ARHGEF3: variants seen among roughly 807,000 people sequenced by gnomAD.
ARHGEF3 encodes the protein 59.8 kDA protein.
Under a neutral mutation model 63.2 loss-of-function variants are expected in ARHGEF3, and 28 were observed. The ratio of observed to expected loss-of-function variants is 0.44; its 90% CI spans 0.33 to 0.61. The LOEUF is 0.61. Among genes scored for constraint, ARHGEF3 ranks in the 20% least tolerant of loss-of-function variants. ARHGEF3 has a pLI of 0.03. For missense variants in ARHGEF3, 533 were observed against 659.3 expected, an observed-to-expected ratio of 0.81 and a Z score of 2.10; for synonymous variants, 266 against 254.2, an observed-to-expected ratio of 1.05 and a Z score of -0.44.
intron 3 of ARHGEF3, among the ~76,000 whole-genome samples, chr3:56,892,501 T>C (rs903994815): frequency 7.9e-5 from 12 of 152,222 alleles, no homozygotes; most frequent in African/African-American, 2.9e-4. Flanking sequence ...GTTTATTCAC[T>C]TATTTTTTAA....
rs141010384 is a variant in ARHGEF3, at chr3:56,832,474, A to G, written c.192+49818T>C. Among the ~76,000 whole-genome samples, 500 of 152,156 alleles carry G rather than the reference A, an allele frequency of 3.3e-3. 1 individual carries two copies. The highest frequency in any genetic ancestry group is 0.011 in the African/African-American group (470 of 41,520). ...ATAAAACATTACCAGCATAGCTAAC[A>G]TCTCCTCTTCCCACCACCTCAGTCC... On this transcript the variant is annotated intron_variant, in intron 4 of 12. Transcript: ENST00000338458.
At chr3:56,764,687 T>C (rs916036476) in intron 2 of ARHGEF3, among the ~76,000 whole-genome samples, 1 of 152,040 alleles carries the variant, frequency 6.6e-6, no homozygotes, top group African/African-American at 2.4e-5. Context: ...TGGTTCATCA[T>C]AGATACTACA....
At chr3:57,071,997 G>A (rs763018012) in intron 1 of ARHGEF3, among the ~76,000 whole-genome samples, 1 of 152,112 alleles carries the variant, frequency 6.6e-6, no homozygotes, top group Non-Finnish European at 1.5e-5. Context: ...ATACACAAAT[G>A]GCCAATAAGC....
At chr3:56,916,422 G>A in intron 3 of ARHGEF3, 1 of 1,476,868 alleles carries the variant, frequency 6.8e-7, no homozygotes, top group Non-Finnish European at 8.9e-7. Flanking sequence ...TCTGAACAGG[G>A]CTGAGCATAG....
upstream of ARHGEF3, among the ~76,000 whole-genome samples, chr3:56,805,907 C>G: frequency 6.6e-6 from 1 of 152,128 alleles, no homozygotes; most frequent in Non-Finnish European, 1.5e-5. Flanking sequence ...GAATGTCTCA[C>G]CATCCAGAAT....
At chr3:56,811,163 C>G (rs1186476995) in intron 4 of ARHGEF3, among the ~76,000 whole-genome samples, 4 of 152,212 alleles carry the variant, frequency 2.6e-5, no homozygotes, top group African/African-American at 9.6e-5. Flanking sequence ...GAGTAAACTA[C>G]CAAGTAAGCC....
chr3:56,732,047 T>A (rs1004494195), intron 9 of ARHGEF3, 191 bp downstream of exon 9: 34 of 669,312 alleles, frequency 5.1e-5, no homozygotes, highest in Non-Finnish European at 7.6e-5. Context: ...ACCTATGCAT[T>A]TCCATTTTGG....
intron 6 of ARHGEF3, among the ~76,000 whole-genome samples, chr3:56,747,269 G>T (rs1168073116): frequency 3.3e-5 from 5 of 152,184 alleles, no homozygotes; most frequent in African/African-American, 1.2e-4. Context: ...GTAAACTAGT[G>T]AGGAACCTCG....
chr3:56,837,918 C>A (rs1370068613), intron 4 of ARHGEF3, among the ~76,000 whole-genome samples: 1 of 152,186 alleles, frequency 6.6e-6, no homozygotes, highest in Non-Finnish European at 1.5e-5. Flanking sequence ...TTCTAACACA[C>A]TGCTAAATGT....
intron 7 of ARHGEF3, among the ~76,000 whole-genome samples, chr3:56,744,640 A>G (rs2034266956): frequency 6.6e-6 from 1 of 151,542 alleles, no homozygotes; most frequent in African/African-American, 2.4e-5. Context: ...TCCTGGCTTC[A>G]AGTGATCTGC....
At chr3:56,755,940 C>G (rs1171636610) in intron 2 of ARHGEF3, among the ~76,000 whole-genome samples, 2 of 152,134 alleles carry the variant, frequency 1.3e-5, no homozygotes, top group African/African-American at 4.8e-5. Flanking sequence ...CAGAAAGAAC[C>G]ACCCTTAGAC....
In ARHGEF3 at chr3:56,728,141, A is replaced by T. The variant is rs1020764735; in HGVS notation, c.*1129T>A. On this transcript the variant is annotated 3_prime_UTR_variant, in exon 10 of 10. Transcript: ENST00000296315. Reference sequence around the variant, plus strand: ...CTAATCTGGCTAGCTGATTCTAATTAATCAGAGTTAATGAAATTGGCCTCT... The same window carrying T: ...CTAATCTGGCTAGCTGATTCTAATTTATCAGAGTTAATGAAATTGGCCTCT... The T allele has an allele frequency of 1.3e-5, 2 of 152,634 alleles. No homozygotes were observed. The highest frequency in any genetic ancestry group is 2.4e-5 in the African/African-American group (1 of 41,432). The allele number at this position is 152,634 out of a possible 1,614,324, so 9.5% of individuals were successfully genotyped here.
intron 2 of ARHGEF3, among the ~76,000 whole-genome samples, chr3:57,003,854 C>T (rs1306562654): frequency 6.6e-6 from 1 of 152,220 alleles, no homozygotes; most frequent in Non-Finnish European, 1.5e-5. Context: ...ACCGATCCTT[C>T]CCTATGGCCT....
Position 56,761,099 on chromosome 3 carries a change from C to T in ARHGEF3, c.205-5948G>A, listed in dbSNP as rs140535299. The stretch of plus-strand genomic sequence containing the variant: ...CCAGCCTGGGCAATGTAGCAAGACC[C>T]TGTCTCTATAAAAAAGAATAATAAT... On this transcript the variant is annotated intron_variant, in intron 2 of 9. Coordinates refer to ENST00000296315, the MANE Select transcript of ARHGEF3 (RefSeq NM_019555.3). Among the ~76,000 whole-genome samples the T allele has an allele frequency of 2.7e-3, 408 of 152,178 alleles. 3 individuals are homozygous for T. Among genetic ancestry groups the T allele is most frequent in the African/African-American group, 9.5e-3 (393 of 41,498 alleles).
intron 3 of ARHGEF3, among the ~76,000 whole-genome samples, chr3:56,931,474 G>A (rs916166701): frequency 1.3e-5 from 2 of 151,444 alleles, no homozygotes; most frequent in Admixed American, 1.3e-4. Context: ...TACTAGGGAG[G>A]CTGAGGTGGG....
intron 2 of ARHGEF3, among the ~76,000 whole-genome samples, chr3:57,000,742 A>T (rs1045701203): frequency 2.6e-5 from 4 of 152,124 alleles, no homozygotes; most frequent in African/African-American, 9.7e-5. Flanking sequence ...CATGTTGGCC[A>T]GGCTGGTCTC....
intron 3 of ARHGEF3, among the ~76,000 whole-genome samples, chr3:56,894,898 T>C (rs1379092193): frequency 6.6e-6 from 1 of 152,226 alleles, no homozygotes; most frequent in African/African-American, 2.4e-5. Context: ...GTGATTGGGA[T>C]GAACTTTGAA....
In ARHGEF3 at chr3:57,071,489, G is replaced by A. The variant is rs527855052; in HGVS notation, c.-28+7737C>T. ...AGCCTGGCCAACATGGTGAAACCCC[G>A]TCTCTACTAAAAATACAAAAATCAG... is the stretch of plus-strand genomic sequence containing the variant. On this transcript the variant is annotated intron_variant, in intron 1 of 12. Transcript: ENST00000338458. 9.9e-5 allele frequency among the ~76,000 whole-genome samples: 15 copies of A among 151,928 alleles called. No homozygotes were observed. The South Asian group carries it at 1.0e-3, about 11-fold the overall frequency.
Position 56,827,752 on chromosome 3 carries a change from CAAAAAAAAAAAAA to C in ARHGEF3, c.193-53949_193-53937del, listed in dbSNP as rs35949919. On this transcript the variant is annotated intron_variant, in intron 4 of 12. Transcript: ENST00000338458. ...GCAACGTGGCAAAACCCTGTCTCTA[CAAAAAAAAAAAAA>C]AAAAAAAACAGAAAAGAAAAAAAAA... is the stretch of plus-strand genomic sequence containing the variant. 7.3e-5 allele frequency among the ~76,000 whole-genome samples: 5 copies of C among 68,420 alleles called. No homozygotes were observed. The Admixed American group carries it at 1.1e-3, about 15-fold the overall frequency. The allele number at this position is 68,420 out of a possible 152,430, so 44.9% of individuals were successfully genotyped here.
Sources: allele counts gnomAD v4.1 joint callset (sites outside exome capture counted in the v4.1 genomes callset), GRCh38; gene constraint gnomAD v4.1.1; transcripts MANE v1.5; gene names NCBI Gene and HGNC (gene_info 2026-07-23, HGNC 2026-07-21).